CTNND1: variants seen among roughly 807,000 people sequenced by gnomAD.
The protein encoded by CTNND1 is catenin delta 1, also known as catenin delta-1.
A neutral mutation model predicts 112.1 loss-of-function variants in CTNND1; 16 were observed. The ratio of observed to expected loss-of-function variants is 0.14; its 90% confidence interval spans 0.10 to 0.22. CTNND1 has a LOEUF of 0.22. Ranked by LOEUF, CTNND1 falls within the 10% of genes least tolerant of loss-of-function variation. The pLI is 1.00. For synonymous variants in CTNND1, 420 were observed against 446.5 expected (o/e 0.94, Z 0.75); for missense variants, 1,008 against 1,257.0 (o/e 0.80, Z 3.00).
At chr11:57,814,446 GT>G in intron 18 of CTNND1, 73 bp downstream of exon 18, 8 of 1,167,946 alleles carry the variant, frequency 6.8e-6, no homozygotes, top group South Asian at 1.3e-5. Flanking sequence ...TAGCTCTATA[GT>G]TTTTTTTCTA....
chr11:57,795,363 C>A (rs2061251189), intron 4 of CTNND1, among the ~76,000 whole-genome samples: 2 of 152,100 alleles, frequency 1.3e-5, no homozygotes, highest in African/African-American at 4.8e-5. Context: ...ATAGTTAGTT[C>A]ATGTTTGTTA....
At chr11:57,763,879 A>G (rs1266601538) in intron 1 of CTNND1, 1 of 152,140 alleles carries the variant, frequency 6.6e-6, no homozygotes, top group Non-Finnish European at 1.5e-5. Context: ...GTCTAGCTTT[A>G]AATAGTGGGC....
chr11:57,816,111 C>A, intron 20 of CTNND1, 110 bp downstream of exon 20: 1 of 1,150,160 alleles, frequency 8.7e-7, no homozygotes, highest in South Asian at 1.4e-5. Context: ...GTAGTCTCAG[C>A]CACATGGGGC....
In CTNND1 at chr11:57,819,058, G is replaced by T. The variant is rs187805437; in HGVS notation, c.*2750G>T. ...CAGAGATCAAGGGTTAAGATCTATG[G>T]GAAGATACTTATTTTTCTGAGGTCC... On this transcript the variant is annotated 3_prime_UTR_variant, in exon 21 of 21. Transcript: ENST00000399050. 1.3e-5 allele frequency: 2 copies of T among 152,244 alleles called. No individual in the cohort carries two copies. The highest frequency in any genetic ancestry group is 3.9e-4 in the East Asian group (2 of 5,184). The allele number at this position is 152,244 out of a possible 1,614,324, so 9.4% of individuals were successfully genotyped here. A position where few individuals can be genotyped will look rare whatever the true frequency, so the allele number is the denominator to read the frequency against.
intron 6 of CTNND1, among the ~76,000 whole-genome samples, chr11:57,799,271 C>T (rs2061718567): frequency 6.6e-6 from 1 of 152,174 alleles, no homozygotes; most frequent in Admixed American, 6.5e-5. Flanking sequence ...AGCAGTCTGT[C>T]CAGGGTGTTG....
intron 10 of CTNND1, 32 bp from the exon 11 acceptor site, chr11:57,806,429 T>C: frequency 6.3e-7 from 1 of 1,587,568 alleles, no homozygotes; most frequent in Non-Finnish European, 8.6e-7. Flanking sequence ...ATTTCTCTTC[T>C]CTGCTTTCTA....
chr11:57,796,727 CTGTCCCGGG>C lies in CTNND1; in HGVS notation c.694_702del (p.Ser232_Val234del). The C allele has an allele frequency of 3.1e-6, 5 of 1,614,030 alleles. No homozygotes were observed. The highest frequency in any genetic ancestry group is 4.2e-6 in the Non-Finnish European group (5 of 1,179,882). ...AGGTGGCAGTGATAACTATGGCAGT[CTGTCCCGGG>C]TGACCCGCATTGAGGAGCGGTATAG... is the stretch of plus-strand genomic sequence containing the variant. On this transcript the variant is annotated inframe_deletion, in exon 6 of 21. Transcript: ENST00000399050.
chr11:57,768,511 A>G (rs1446746552), intron 1 of CTNND1, among the ~76,000 whole-genome samples: 2 of 146,266 alleles, frequency 1.4e-5, no homozygotes, highest in Non-Finnish European at 3.0e-5. Flanking sequence ...CTCCTGCCTC[A>G]GCCTCCCGAG....
chr11:57,806,850 C>T lies in CTNND1; in HGVS notation c.1895-65C>T, dbSNP rs774327249. 10 of 1,346,428 alleles carry T rather than the reference C, an allele frequency of 7.4e-6. No homozygotes were observed. In the Admixed American group the frequency reaches 1.0e-4, roughly 14 times the overall value. 83.4% of individuals were successfully genotyped at this position (1,346,428 alleles called of 1,614,324 possible). ...TTCTGACTGAAGGATGAAAAATGTG[C>T]CAGGTGGAATCTTTTCTTTTTTAAA... On this transcript the variant is annotated intron_variant, in intron 11 of 20. Coordinates refer to ENST00000399050, the MANE Select transcript of CTNND1 (RefSeq NM_001085458.2).
In CTNND1 at chr11:57,801,733, G is replaced by T; in HGVS notation, c.957G>T (p.Arg319Ser). The T allele has an allele frequency of 1.2e-6, 2 of 1,607,716 alleles. No homozygotes were observed. The highest frequency in any genetic ancestry group is 1.7e-6 in the Non-Finnish European group (2 of 1,175,646). ...TCTTGGTTCTTCCAAAACTTCTCAG[G>T]AGCTATGAAGACATGATTGGTGAGG... ...GTPSDPRRRL[R>S]SYEDMIGEEV... The change falls in exon 7 of 21, where the codon AGG becomes AGT. Residue 319 changes from arginine (R) to serine (S), a missense_variant and splice_region_variant. Physicochemically the swap from Arg to Ser is moderately radical, Grantham distance 110. Around this residue, in one of 5 missense-constraint regions of CTNND1, gnomAD observed 404 missense variants for 457.9 expected, o/e 0.88. Coordinates refer to ENST00000399050, the MANE Select transcript of CTNND1 (RefSeq NM_001085458.2).
At chr11:57,785,286 G>C (rs1254665144) in intron 1 of CTNND1, among the ~76,000 whole-genome samples, 1 of 152,122 alleles carries the variant, frequency 6.6e-6, no homozygotes, top group Non-Finnish European at 1.5e-5. Flanking sequence ...CACTTTACAT[G>C]AAATGCCTCA....
Position 57,803,638 on chromosome 11 carries a change from T to C in CTNND1, c.1438T>C (p.Ser480Pro). The change falls in exon 8 of 21, where the codon TCA (serine) becomes CCA (proline). Residue 480 changes from serine to proline, a missense_variant. By Grantham distance (74) the Ser-to-Pro change is moderately conservative. This residue lies in a region of CTNND1 where 216 missense variants were observed against 342.8 expected (regional missense o/e 0.63). Transcript: ENST00000399050. The stretch of plus-strand genomic sequence containing the variant: ...TCTTCCAGGAACCCTGTGGAATCTT[T>C]CATCCCATGACTCAATCAAAATGGA... ...EVITGTLWNL[S>P]SHDSIKMEIV... 1 of 1,610,972 alleles carries C rather than the reference T, an allele frequency of 6.2e-7. No homozygotes were observed. The highest frequency in any genetic ancestry group is 2.2e-5 in the East Asian group (1 of 44,818).
At chr11:57,809,538 C>T (rs2063085475) in intron 15 of CTNND1, 72 bp downstream of exon 15, 1 of 1,373,472 alleles carries the variant, frequency 7.3e-7, no homozygotes, top group East Asian at 2.5e-5. Context: ...CTTTTGGTTA[C>T]TAAGAAAGGA....
At chr11:57,769,011 A>C (rs1422643204) in intron 1 of CTNND1, among the ~76,000 whole-genome samples, 1 of 151,686 alleles carries the variant, frequency 6.6e-6, no homozygotes, top group Non-Finnish European at 1.5e-5. Flanking sequence ...TTTTTATTTT[A>C]AAAATGAGAC....
At chr11:57,790,183 G>A (rs1211671873) in intron 2 of CTNND1, among the ~76,000 whole-genome samples, 1 of 151,930 alleles carries the variant, frequency 6.6e-6, no homozygotes, top group Non-Finnish European at 1.5e-5. Flanking sequence ...CTGGGTTCAC[G>A]CAATTCTCAT....
intron 1 of CTNND1, among the ~76,000 whole-genome samples, chr11:57,769,650 T>G (rs1205219043): frequency 6.6e-6 from 1 of 152,200 alleles, no homozygotes; most frequent in Non-Finnish European, 1.5e-5. Context: ...GGGTTTCCTT[T>G]TTTTCCCTTT....
At chr11:57,803,989 A>G (rs1398524344) in intron 8 of CTNND1, 185 bp downstream of exon 8, 23 of 460,648 alleles carry the variant, frequency 5.0e-5, no homozygotes, top group South Asian at 3.0e-4. Context: ...ACATGTACCT[A>G]TATCAGTTTT....
chr11:57,761,822 A>C lies in CTNND1; in HGVS notation c.-511A>C. 1 of 985,220 alleles carries C rather than the reference A, an allele frequency of 1.0e-6. No individual in the cohort carries two copies. Among genetic ancestry groups the C allele is most frequent in the Non-Finnish European group, 1.2e-6 (1 of 829,914 alleles). 61.0% of individuals were successfully genotyped at this position (985,220 alleles called of 1,614,324 possible). ...CTGCCAGATCAGTTTGTCACCACCC[A>C]GGCTCCCTTGCCTTTGGCTGGGTGC... On this transcript the variant is annotated 5_prime_UTR_variant, in exon 1 of 21. Coordinates refer to ENST00000399050, the MANE Select transcript of CTNND1 (RefSeq NM_001085458.2).
chr11:57,813,057 G>A (rs1190431842), intron 17 of CTNND1, among the ~76,000 whole-genome samples: 1 of 152,176 alleles, frequency 6.6e-6, no homozygotes, highest in Non-Finnish European at 1.5e-5. Context: ...TAGGCTGAGT[G>A]TAGTGTCTCA....
Sources: allele counts gnomAD v4.1 joint callset (sites outside exome capture counted in the v4.1 genomes callset), GRCh38; gene constraint gnomAD v4.1.1; regional missense constraint gnomAD v4.1.1; transcripts MANE v1.5; gene names NCBI Gene and HGNC (gene_info 2026-07-23, HGNC 2026-07-21).